The following SYCP2L variants were observed in gnomAD, a reference collection of about 807,000 sequenced individuals.
SYCP2L encodes the protein synaptonemal complex protein 2 like.
Under a neutral mutation model 125.8 loss-of-function variants are expected in SYCP2L, and 98 were observed. The observed-to-expected ratio is 0.78, with a 90% confidence interval of 0.66 to 0.92. The LOEUF is 0.92. Ranked by LOEUF, SYCP2L falls within the 40% of genes least tolerant of loss-of-function variation. SYCP2L has a pLI of 0.00. For synonymous variants in SYCP2L, 317 were observed against 325.4 expected, an observed-to-expected ratio of 0.97 and a Z score of 0.28; for missense variants, 842 against 936.4, an observed-to-expected ratio of 0.90 and a Z score of 1.32.
At chr6:10,894,366 C>A (rs111405758) in intron 4 of SYCP2L, among the ~76,000 whole-genome samples, 162 bp downstream of exon 4, 1 of 152,144 alleles carries the variant, frequency 6.6e-6, no homozygotes, top group Non-Finnish European at 1.5e-5. Flanking sequence ...AAATTAAATT[C>A]GACATACATT....
intron 25 of SYCP2L, among the ~76,000 whole-genome samples, chr6:10,957,517 G>C (rs539548450): frequency 4.0e-4 from 61 of 152,256 alleles, no homozygotes; most frequent in Admixed American, 2.6e-3. Flanking sequence ...AAGTGGGCTA[G>C]AGAGGAGTCT....
At chr6:10,971,777 A>C (rs1781779428) in intron 29 of SYCP2L, among the ~76,000 whole-genome samples, 1 of 137,340 alleles carries the variant, frequency 7.3e-6, no homozygotes. Flanking sequence ...TCCTCCTCTG[A>C]GGTTCAAGCG....
At chr6:10,931,355 G>T in intron 19 of SYCP2L, 85 bp from the exon 20 acceptor site, 2 of 1,337,722 alleles carry the variant, frequency 1.5e-6, no homozygotes, top group Non-Finnish European at 2.1e-6. Context: ...TGCTTTTAGT[G>T]TTAGCATATT....
At chr6:10,903,371 A>AC (rs540612009) in intron 8 of SYCP2L, among the ~76,000 whole-genome samples, 1 of 152,128 alleles carries the variant, frequency 6.6e-6, no homozygotes. Context: ...ACACAGTGAA[A>AC]CCCTGTCTCC....
At chr6:10,887,196 G>A (rs1017919396) in intron 1 of SYCP2L, 61 bp downstream of exon 1, 22 of 1,607,066 alleles carry the variant, frequency 1.4e-5, no homozygotes, top group Non-Finnish European at 1.4e-5. Context: ...GCGAGGGCGC[G>A]GGGTCCCTGG....
At chr6:10,956,096 C>T (rs1394090614) in intron 24 of SYCP2L, 40 bp from the exon 25 acceptor site, 10 of 1,512,132 alleles carry the variant, frequency 6.6e-6, no homozygotes, top group African/African-American at 1.4e-5. Context: ...ACTTTGAACA[C>T]TTTGTTAGTT....
chr6:10,947,870 C>A (rs1781343324), intron 23 of SYCP2L, among the ~76,000 whole-genome samples: 1 of 151,996 alleles, frequency 6.6e-6, no homozygotes, highest in African/African-American at 2.4e-5. Flanking sequence ...AAAATGTTTG[C>A]AGTAGATTTT....
chr6:10,945,915 G>A (rs555583627), intron 23 of SYCP2L, among the ~76,000 whole-genome samples: 1 of 152,002 alleles, frequency 6.6e-6, no homozygotes, highest in African/African-American at 2.4e-5. Context: ...TTGTCTTGAA[G>A]TCTGTTTATT....
rs1318092716 is a variant in SYCP2L at position 10,942,741 on chromosome 6, A to G, written c.1949A>G (p.Asp650Gly). ...SLKHKLRNLE[D>G]KDIPEGSFAK... ...AAACATAAGCTGAGAAACTTGGAAG[A>G]CAAAGGTAAGAGAATAGTACTTTTT... is the stretch of plus-strand genomic sequence containing the variant. Residue 650 changes from aspartate to glycine, a missense_variant, in exon 23 of 30, where the codon GAC becomes GGC. Transcript: ENST00000283141. 1.2e-6 allele frequency: 2 copies of G among 1,610,608 alleles called. No homozygotes were observed. The highest frequency in any genetic ancestry group is 1.7e-5 in the Admixed American group (1 of 59,190).
At position 10,956,251 on chromosome 6, in the gene SYCP2L, C is replaced by T. The variant is rs777045078; in HGVS notation, c.2163+9C>T. On this transcript the variant is annotated intron_variant, in intron 25 of 29. Coordinates refer to ENST00000283141, the MANE Select transcript of SYCP2L (RefSeq NM_001040274.3). ...GGAAAAGAAAATATGAGGTAGTAGT[C>T]CACAAAACTTAAAAAACTAGAGCGT... is the stretch of plus-strand genomic sequence containing the variant. 6.3e-7 allele frequency: 1 copy of T among 1,592,640 alleles called. No homozygotes were observed. Among genetic ancestry groups the T allele is most frequent in the Non-Finnish European group, 8.6e-7 (1 of 1,162,798 alleles).
At chr6:10,891,336 C>G (rs1412877317) in intron 1 of SYCP2L, among the ~76,000 whole-genome samples, 177 bp from the exon 2 acceptor site, 2 of 150,762 alleles carry the variant, frequency 1.3e-5, no homozygotes, top group Non-Finnish European at 2.9e-5. Flanking sequence ...AAGTTTTTCT[C>G]TTTTTTCTAA....
intron 21 of SYCP2L, among the ~76,000 whole-genome samples, chr6:10,937,626 T>C (rs182870546): frequency 6.6e-6 from 1 of 152,202 alleles, no homozygotes; most frequent in East Asian, 1.9e-4. Flanking sequence ...AAATGTTCAA[T>C]GAAACTAAGA....
chr6:10,890,540 A>G lies in SYCP2L; in HGVS notation c.10-973A>G, dbSNP rs561573482. Among the ~76,000 whole-genome samples the G allele has an allele frequency of 3.3e-5, 5 of 151,746 alleles. No homozygotes were observed. In the South Asian group the frequency reaches 1.0e-3, roughly 32 times the overall value. ...AGCTTATTTACCCATTTTTAATTGGATTGGTTATTTTGCTGTTGAGGTGTT... is the reference window on the plus strand; with the variant it reads ...AGCTTATTTACCCATTTTTAATTGGGTTGGTTATTTTGCTGTTGAGGTGTT... On this transcript the variant is annotated intron_variant, in intron 1 of 29. Coordinates refer to ENST00000283141, the MANE Select transcript of SYCP2L (RefSeq NM_001040274.3).
chr6:10,910,688 C>A, intron 11 of SYCP2L, 136 bp from the exon 12 acceptor site: 2 of 919,122 alleles, frequency 2.2e-6, no homozygotes, highest in Non-Finnish European at 3.5e-6. Context: ...CATTTGCAGG[C>A]TTGAAACCCC....
chr6:10,973,674 C>T (rs1395202712), intron 29 of SYCP2L, among the ~76,000 whole-genome samples: 1 of 152,208 alleles, frequency 6.6e-6, no homozygotes, highest in Admixed American at 6.5e-5. Context: ...CAACATCCAA[C>T]AAAATCACCT....
chr6:10,897,625 T>C (rs886802981), intron 4 of SYCP2L, among the ~76,000 whole-genome samples: 4 of 152,216 alleles, frequency 2.6e-5, no homozygotes, highest in African/African-American at 9.6e-5. Flanking sequence ...TTTCCCAGGC[T>C]GGTCTTGAAC....
At chr6:10,899,554 G>A (rs1233893919) in intron 6 of SYCP2L, among the ~76,000 whole-genome samples, 1 of 152,074 alleles carries the variant, frequency 6.6e-6, no homozygotes, top group Non-Finnish European at 1.5e-5. Flanking sequence ...TCAAAAAAAA[G>A]TAATTTGACA....
intron 21 of SYCP2L, among the ~76,000 whole-genome samples, chr6:10,940,049 TTCC>T (rs1042798436): frequency 6.6e-6 from 1 of 151,826 alleles, no homozygotes; most frequent in Non-Finnish European, 1.5e-5. Flanking sequence ...ATAGACATTT[TTCC>T]AAAAAAGAAG....
rs1426736136 is a variant in SYCP2L at position 10,898,090 on chromosome 6, TAGA to T, written c.420_422del (p.Glu140del). The stretch of plus-strand genomic sequence containing the variant: ...TCAGACACGTCGCTGATTTGTGTTA[TAGA>T]AGATTTCTTTGACACTGCATTGGTA... On this transcript the variant is annotated inframe_deletion, in exon 5 of 30. Transcript: ENST00000283141. 1 of 1,614,040 alleles carries T rather than the reference TAGA, an allele frequency of 6.2e-7. No homozygotes were observed. Among genetic ancestry groups the T allele is most frequent in the Non-Finnish European group, 8.5e-7 (1 of 1,179,858 alleles).
Sources: gnomAD v4.1 joint callset for allele counts (sites outside exome capture counted in the v4.1 genomes callset) on GRCh38, gnomAD v4.1.1 for gene constraint, MANE v1.5 for transcripts, NCBI Gene and HGNC (gene_info 2026-07-23, HGNC 2026-07-21) for gene names.